The following NPFFR2 variants were observed in gnomAD, a reference collection of about 807,000 sequenced individuals.
NPFFR2 encodes G-protein coupled receptor 74.
NPFFR2 carries 15 observed loss-of-function variants against 13.1 expected under a neutral mutation model. That is an observed-to-expected ratio of 1.15 (90% CI 0.77 to 1.76). The LOEUF (loss-of-function observed/expected upper bound fraction) is 1.76, where lower values mean the gene tolerates loss of function less well. Ranked by LOEUF, NPFFR2 falls within the 40% of genes most tolerant of loss-of-function variation. The probability of loss-of-function intolerance (pLI) is 0.00; values close to 1 mark genes in which losing one functional copy is unlikely to be tolerated. For missense variants in NPFFR2, 572 were observed against 503.5 expected, an observed-to-expected ratio of 1.14 and a Z score of -1.30; for synonymous variants, 190 against 175.7, an observed-to-expected ratio of 1.08 and a Z score of -0.65.
At chr4:72,118,455 A>C (rs1196755540) in intron 1 of NPFFR2, among the ~76,000 whole-genome samples, 1 of 152,180 alleles carries the variant, frequency 6.6e-6, no homozygotes, top group Non-Finnish European at 1.5e-5. Flanking sequence ...GGATTAAATA[A>C]TTTACTCAAA....
At chr4:72,100,443 T>G (rs966329492) in intron 1 of NPFFR2, among the ~76,000 whole-genome samples, 1 of 152,062 alleles carries the variant, frequency 6.6e-6, no homozygotes, top group African/African-American at 2.4e-5. Flanking sequence ...TGTGATTAGA[T>G]GAAATTAGAT....
intron 1 of NPFFR2, among the ~76,000 whole-genome samples, chr4:72,094,612 G>C (rs28556752): frequency 6.6e-6 from 1 of 152,210 alleles, no homozygotes; most frequent in African/African-American, 2.4e-5. Context: ...GGGGAAAGCC[G>C]GCAACCTCAG....
intron 1 of NPFFR2, among the ~76,000 whole-genome samples, chr4:72,105,838 C>G (rs1197123226): frequency 2.0e-5 from 3 of 151,978 alleles, no homozygotes; most frequent in Non-Finnish European, 4.4e-5. Flanking sequence ...CTAGACTATT[C>G]CTAGATACTC....
At chr4:72,052,610 A>G (rs939299637) in intron 1 of NPFFR2, among the ~76,000 whole-genome samples, 1 of 151,512 alleles carries the variant, frequency 6.6e-6, no homozygotes. Context: ...TTCTCACACC[A>G]CTCCTATTCT....
intron 1 of NPFFR2, among the ~76,000 whole-genome samples, chr4:72,097,653 A>G (rs1332816901): frequency 6.6e-6 from 1 of 152,138 alleles, no homozygotes; most frequent in South Asian, 2.1e-4. Flanking sequence ...CTGCACTTTC[A>G]CATCTAGAAG....
At chr4:72,141,790 C>T (rs908651528) in intron 3 of NPFFR2, among the ~76,000 whole-genome samples, 1 of 152,158 alleles carries the variant, frequency 6.6e-6, no homozygotes. Flanking sequence ...TTGTTGCGAG[C>T]TGAGTTCAAG....
chr4:72,043,246 T>C (rs764714345), intron 1 of NPFFR2, among the ~76,000 whole-genome samples: 6 of 144,194 alleles, frequency 4.2e-5, no homozygotes, highest in Non-Finnish European at 9.1e-5. Flanking sequence ...GGCAGAGGTA[T>C]GCTGCAGGGG....
intron 1 of NPFFR2, among the ~76,000 whole-genome samples, chr4:72,105,475 A>G (rs1468447416): frequency 6.6e-6 from 1 of 152,048 alleles, no homozygotes; most frequent in Admixed American, 6.6e-5. Flanking sequence ...GAGCAGAAAA[A>G]TGATCATTTT....
rs551527463 is a variant in NPFFR2 at position 72,049,348 on chromosome 4, G to A, written c.-8+17148G>A. Among the ~76,000 whole-genome samples the A allele has an allele frequency of 1.9e-3, 288 of 152,200 alleles. 1 individual carries two copies. The highest frequency in any genetic ancestry group is 2.2e-3 in the Non-Finnish European group (152 of 67,990). ...GCATCAACTTAGTGTCCTCATAAAA[G>A]ACATATATGTGTTCCACTACATTCA... On this transcript the variant is annotated intron_variant, in intron 1 of 3. Coordinates refer to ENST00000308744, the MANE Select transcript of NPFFR2 (RefSeq NM_004885.3).
At chr4:72,137,787 A>G (rs1722463444) in intron 2 of NPFFR2, among the ~76,000 whole-genome samples, 1 of 152,194 alleles carries the variant, frequency 6.6e-6, no homozygotes, top group Admixed American at 6.5e-5. Context: ...TGAGGATTAG[A>G]TATGTTAATA....
intron 1 of NPFFR2, among the ~76,000 whole-genome samples, chr4:72,122,293 C>T (rs1022088504): frequency 6.6e-6 from 1 of 152,084 alleles, no homozygotes; most frequent in Non-Finnish European, 1.5e-5. Flanking sequence ...GACTCCCACG[C>T]AATAGTAGTG....
chr4:72,140,377 T>TA (rs1722566773), intron 3 of NPFFR2, among the ~76,000 whole-genome samples: 1 of 152,230 alleles, frequency 6.6e-6, no homozygotes, highest in Non-Finnish European at 1.5e-5. Flanking sequence ...CCATTCAGTA[T>TA]AATGTTGGCT....
intron 2 of NPFFR2, among the ~76,000 whole-genome samples, chr4:72,136,207 A>G (rs547827926): frequency 7.7e-4 from 117 of 152,150 alleles, no homozygotes; most frequent in Non-Finnish European, 1.5e-3. Flanking sequence ...AATTTTTTTT[A>G]AAATAACTGG....
In NPFFR2 at chr4:72,032,146, G is replaced by C. The variant is rs1718941113; in HGVS notation, c.-62G>C. The C allele has an allele frequency of 5.0e-6, 8 of 1,613,972 alleles. No individual in the cohort carries two copies. The highest frequency in any genetic ancestry group is 5.9e-6 in the Non-Finnish European group (7 of 1,179,922). ...CGGAGCAGGGACAGAACCTGTTGCTGCAGACGGGCTTGGTGGATTCTGGTT... is the reference window on the plus strand; with the variant it reads ...CGGAGCAGGGACAGAACCTGTTGCTCCAGACGGGCTTGGTGGATTCTGGTT... On this transcript the variant is annotated 5_prime_UTR_variant, in exon 1 of 4. Coordinates refer to ENST00000308744, the MANE Select transcript of NPFFR2 (RefSeq NM_004885.3).
chr4:72,130,767 C>A (rs527987061), intron 2 of NPFFR2, among the ~76,000 whole-genome samples: 82 of 152,276 alleles, frequency 5.4e-4, no homozygotes, highest in African/African-American at 2.0e-3. Flanking sequence ...TTGCCTGTGA[C>A]CCCTGGAGCC....
At chr4:72,119,529 C>G (rs550439603) in intron 1 of NPFFR2, among the ~76,000 whole-genome samples, 1 of 152,120 alleles carries the variant, frequency 6.6e-6, no homozygotes, top group Admixed American at 6.6e-5. Context: ...CAGCTCCCAG[C>G]GAGATCAACA....
At chr4:72,096,348 G>A (rs1277912591) in intron 1 of NPFFR2, among the ~76,000 whole-genome samples, 4 of 152,042 alleles carry the variant, frequency 2.6e-5, no homozygotes, top group African/African-American at 9.7e-5. Flanking sequence ...TTTTATTAGG[G>A]TAACAATAAT....
intron 1 of NPFFR2, among the ~76,000 whole-genome samples, chr4:72,049,852 C>T (rs1053309720): frequency 1.3e-5 from 2 of 151,982 alleles, no homozygotes; most frequent in East Asian, 3.9e-4. Flanking sequence ...TTGTTCCTAG[C>T]TCTTGAAATG....
chr4:72,147,529 G>A lies in NPFFR2; in HGVS notation c.980G>A (p.Ser327Asn). ...CACTGGCTGGCATTCGGCAACAGCA[G>A]TGTCAATCCCATCATTTATGGTTTC... ...FAHWLAFGNS[S>N]VNPIIYGFFN... The change falls in exon 4 of 4, where the codon AGT becomes AAT. Residue 327 changes from serine to asparagine, a missense_variant. Ser to Asn is a conservative substitution (Grantham distance 46, BLOSUM62 1). Coordinates refer to ENST00000308744, the MANE Select transcript of NPFFR2 (RefSeq NM_004885.3). The A allele has an allele frequency of 6.2e-7, 1 of 1,614,218 alleles. No homozygotes were observed. The highest frequency in any genetic ancestry group is 1.1e-5 in the South Asian group (1 of 91,088).
Sources: gnomAD v4.1 joint callset for allele counts (sites outside exome capture counted in the v4.1 genomes callset) on GRCh38, gnomAD v4.1.1 for gene constraint, MANE v1.5 for transcripts, NCBI Gene and HGNC (gene_info 2026-07-23, HGNC 2026-07-21) for gene names.